STXBP5L: variants seen among roughly 807,000 people sequenced by gnomAD.
STXBP5L encodes syntaxin binding protein 5L.
A neutral mutation model predicts 144.5 loss-of-function variants in STXBP5L; 65 were observed. The ratio of observed to expected loss-of-function variants is 0.45; its 90% CI spans 0.37 to 0.55. STXBP5L has a LOEUF of 0.55. Among genes scored for constraint, STXBP5L ranks in the 20% least tolerant of loss-of-function variants. The pLI is 0.00. For missense variants in STXBP5L, 1,298 were observed against 1,405.5 expected (o/e 0.92, Z 1.22); for synonymous variants, 505 against 469.6 (o/e 1.08, Z -0.97).
intron 20 of STXBP5L, among the ~76,000 whole-genome samples, chr3:121,358,914 C>A (rs1164420201): frequency 6.6e-6 from 1 of 151,816 alleles, no homozygotes; most frequent in Non-Finnish European, 1.5e-5. Flanking sequence ...AGGTTTTTTC[C>A]AAATATAGGA....
rs374845873 is a variant in STXBP5L, at chr3:121,116,107, C to T, written c.605+1048C>T. Among the ~76,000 whole-genome samples, 264 of 152,174 alleles carry T rather than the reference C, an allele frequency of 1.7e-3. 1 individual carries two copies. Among genetic ancestry groups the T allele is most frequent in the South Asian group, 8.1e-3 (39 of 4,820 alleles). ...TATCACCATCTATTTGTAGTACATA[C>T]GTAAGCAATTCTTCTAGTAAAATTA... On this transcript the variant is annotated intron_variant, in intron 6 of 26. Coordinates refer to ENST00000471454, the MANE Select transcript of STXBP5L (RefSeq NM_001308330.2).
intron 20 of STXBP5L, among the ~76,000 whole-genome samples, chr3:121,325,186 G>A (rs186800873): frequency 2.6e-5 from 4 of 152,024 alleles, no homozygotes; most frequent in South Asian, 4.1e-4. Context: ...CCTGAAATTA[G>A]GCATTATCGC....
intron 2 of STXBP5L, 134 bp from the exon 3 acceptor site, chr3:120,954,806 G>A (rs530781493): frequency 3.4e-6 from 2 of 584,196 alleles, no homozygotes; most frequent in East Asian, 3.0e-5. Context: ...CTCCATCTCT[G>A]TGTTAATGTT....
intron 11 of STXBP5L, among the ~76,000 whole-genome samples, chr3:121,224,273 G>A (rs2049053838): frequency 1.3e-5 from 2 of 152,112 alleles, no homozygotes; most frequent in Admixed American, 1.3e-4. Context: ...AAATATATAT[G>A]TTGTGAGTTC....
intron 3 of STXBP5L, among the ~76,000 whole-genome samples, chr3:121,033,987 C>T (rs1027203010): frequency 1.3e-5 from 2 of 151,974 alleles, no homozygotes; most frequent in Admixed American, 6.6e-5. Context: ...TGATTCTATG[C>T]AAGTCTTTTG....
intron 9 of STXBP5L, among the ~76,000 whole-genome samples, chr3:121,172,784 G>T (rs979501063): frequency 2.0e-5 from 3 of 152,210 alleles, no homozygotes; most frequent in African/African-American, 7.2e-5. Context: ...ATTCCTCAAG[G>T]ATCTAGAACT....
At chr3:121,027,659 T>C (rs559482769) in intron 3 of STXBP5L, among the ~76,000 whole-genome samples, 1 of 152,196 alleles carries the variant, frequency 6.6e-6, no homozygotes, top group Non-Finnish European at 1.5e-5. Flanking sequence ...TTTTTTTCAC[T>C]TATAAGGACT....
At chr3:121,272,425 T>G (rs2050759638) in intron 18 of STXBP5L, among the ~76,000 whole-genome samples, 1 of 152,206 alleles carries the variant, frequency 6.6e-6, no homozygotes, top group African/African-American at 2.4e-5. Context: ...TGTTCTCTTC[T>G]GATATAATTA....
intron 6 of STXBP5L, among the ~76,000 whole-genome samples, chr3:121,117,344 C>T (rs1327086230): frequency 1.3e-5 from 2 of 151,738 alleles, no homozygotes; most frequent in East Asian, 3.9e-4. Flanking sequence ...TATTAGTAAA[C>T]CACATACCAT....
chr3:121,299,975 CAAAAAAAAA>C (rs35062789), intron 19 of STXBP5L, among the ~76,000 whole-genome samples: 8 of 115,738 alleles, frequency 6.9e-5, no homozygotes, highest in Admixed American at 2.7e-4. Context: ...GACCTGATCT[CAAAAAAAAA>C]AAAAAAAAAA....
chr3:120,967,218 C>A (rs758642831), intron 3 of STXBP5L, among the ~76,000 whole-genome samples: 2 of 152,130 alleles, frequency 1.3e-5, no homozygotes, highest in Non-Finnish European at 2.9e-5. Flanking sequence ...CTTCCCTTGG[C>A]TAGGAAAGGG....
In STXBP5L at chr3:121,074,470, T is replaced by A. The variant is rs576079529; in HGVS notation, c.470+28935T>A. Among the ~76,000 whole-genome samples, 4 of 152,284 alleles carry A rather than the reference T, an allele frequency of 2.6e-5. 1 individual carries two copies. The highest frequency in any genetic ancestry group is 6.5e-5 in the Admixed American group (1 of 15,296). On this transcript the variant is annotated intron_variant, in intron 5 of 26. Coordinates refer to ENST00000471454, the MANE Select transcript of STXBP5L (RefSeq NM_001308330.2). ...TTAAGGAGCCAGTCTATATGCTTTG[T>A]AATCCCATGGGTGGCTTCTGCTGGG...
chr3:121,038,876 A>C (rs1209430479), intron 3 of STXBP5L, among the ~76,000 whole-genome samples: 1 of 151,962 alleles, frequency 6.6e-6, no homozygotes, highest in African/African-American at 2.4e-5. Flanking sequence ...GTATTCTGAA[A>C]TCAACTTTAC....
chr3:121,079,422 G>C (rs2042160875), intron 5 of STXBP5L, among the ~76,000 whole-genome samples: 1 of 152,210 alleles, frequency 6.6e-6, no homozygotes, highest in Non-Finnish European at 1.5e-5. Context: ...GTGGAGTATA[G>C]ATAAGGTTCA....
intron 3 of STXBP5L, among the ~76,000 whole-genome samples, chr3:121,023,080 A>T (rs960921507): frequency 3.3e-5 from 5 of 152,190 alleles, no homozygotes; most frequent in African/African-American, 9.6e-5. Context: ...ATGCACACAA[A>T]TCAGTAGCTC....
chr3:120,965,932 T>G (rs1470569363), intron 3 of STXBP5L, among the ~76,000 whole-genome samples: 1 of 152,196 alleles, frequency 6.6e-6, no homozygotes, highest in Non-Finnish European at 1.5e-5. Flanking sequence ...GTAGAATTGG[T>G]CTCTTCACAT....
At chr3:121,171,126 C>T (rs1377146828) in intron 9 of STXBP5L, among the ~76,000 whole-genome samples, 3 of 151,540 alleles carry the variant, frequency 2.0e-5, no homozygotes, top group Non-Finnish European at 4.4e-5. Flanking sequence ...AAAAGGCCTT[C>T]GATGCAGAAG....
intron 20 of STXBP5L, among the ~76,000 whole-genome samples, chr3:121,320,359 A>C (rs1172325695): frequency 6.6e-6 from 1 of 151,892 alleles, no homozygotes; most frequent in Non-Finnish European, 1.5e-5. Flanking sequence ...CATCCAGGAA[A>C]CTTGCTAAAT....
At chr3:121,077,537 G>T (rs1334322105) in intron 5 of STXBP5L, among the ~76,000 whole-genome samples, 1 of 152,104 alleles carries the variant, frequency 6.6e-6, no homozygotes, top group Non-Finnish European at 1.5e-5. Context: ...CAAGATTATT[G>T]CAAAGAGCCA....
Sources: gnomAD v4.1 joint callset for allele counts (sites outside exome capture counted in the v4.1 genomes callset) on GRCh38, gnomAD v4.1.1 for gene constraint, MANE v1.5 for transcripts, NCBI Gene and HGNC (gene_info 2026-07-23, HGNC 2026-07-21) for gene names.